The following AGBL4 variants were observed in gnomAD, a reference collection of about 807,000 sequenced individuals.
The protein encoded by AGBL4 is AGBL carboxypeptidase 4, also known as cytosolic carboxypeptidase 6.
Under a neutral mutation model 66.4 loss-of-function variants are expected in AGBL4, and 58 were observed. That is an observed-to-expected ratio of 0.87 (90% CI 0.71 to 1.09). The LOEUF (loss-of-function observed/expected upper bound fraction) is 1.09, where lower values mean the gene tolerates loss of function less well. AGBL4 is among the 50% of genes least tolerant of loss of function. AGBL4 has a pLI of 0.00. For synonymous variants in AGBL4, 234 were observed against 222.9 expected (o/e 1.05, Z -0.44); for missense variants, 579 against 631.0 (o/e 0.92, Z 0.88).
At chr1:49,347,339 C>A (rs1645653400) in intron 3 of AGBL4, among the ~76,000 whole-genome samples, 1 of 151,052 alleles carries the variant, frequency 6.6e-6, no homozygotes, top group Admixed American at 6.6e-5. Flanking sequence ...GCAAGCTCTG[C>A]CACCCGGGTT....
chr1:48,605,237 G>T (rs938200920), intron 9 of AGBL4, among the ~76,000 whole-genome samples: 1 of 152,154 alleles, frequency 6.6e-6, no homozygotes, highest in African/African-American at 2.4e-5. Flanking sequence ...CCAAGAGCAT[G>T]AATTATTGGT....
At chr1:49,648,068 C>A (rs770158912) in intron 3 of AGBL4, among the ~76,000 whole-genome samples, 11 of 151,870 alleles carry the variant, frequency 7.2e-5, no homozygotes, top group Non-Finnish European at 1.5e-4. Flanking sequence ...ATTACACCAG[C>A]AATTTATTAA....
At chr1:49,472,895 CATTTATAAGTGAGAACAT>C (rs1362877372) in intron 3 of AGBL4, among the ~76,000 whole-genome samples, 1 of 151,992 alleles carries the variant, frequency 6.6e-6, no homozygotes, top group East Asian at 1.9e-4. Context: ...GTTTTACTCC[CATTTATAAGTGAGAACAT>C]ATGGTATTTG....
intron 3 of AGBL4, among the ~76,000 whole-genome samples, chr1:49,420,386 A>T (rs904940083): frequency 2.6e-5 from 4 of 152,168 alleles, no homozygotes; most frequent in Admixed American, 2.6e-4. Flanking sequence ...ATAAACATCT[A>T]AGAAGATAAT....
At chr1:49,742,363 C>A (rs1650580357) in intron 2 of AGBL4, among the ~76,000 whole-genome samples, 1 of 152,024 alleles carries the variant, frequency 6.6e-6, no homozygotes, top group Non-Finnish European at 1.5e-5. Flanking sequence ...AGGACCTCTT[C>A]AAGGAGAAAT....
intron 3 of AGBL4, among the ~76,000 whole-genome samples, chr1:49,563,072 T>C (rs1390304932): frequency 2.0e-5 from 3 of 152,100 alleles, no homozygotes; most frequent in Non-Finnish European, 4.4e-5. Flanking sequence ...TTTGAAGCAA[T>C]TGTGAATGGG....
At chr1:49,155,940 C>T (rs1431919635) in intron 4 of AGBL4, among the ~76,000 whole-genome samples, 1 of 152,098 alleles carries the variant, frequency 6.6e-6, no homozygotes, top group Non-Finnish European at 1.5e-5. Context: ...GGTATTGCCT[C>T]TATTATCTAT....
At chr1:49,738,543 C>G (rs1341429780) in intron 2 of AGBL4, among the ~76,000 whole-genome samples, 1 of 152,196 alleles carries the variant, frequency 6.6e-6, no homozygotes, top group Non-Finnish European at 1.5e-5. Flanking sequence ...TGTCTGACAG[C>G]TTTGAAGAGC....
chr1:48,930,394 ATTGC>A (rs1654941194), intron 5 of AGBL4, among the ~76,000 whole-genome samples: 2 of 152,116 alleles, frequency 1.3e-5, no homozygotes, highest in Admixed American at 1.3e-4. Context: ...TGGCAGATCC[ATTGC>A]TATTAAGCCA....
chr1:49,093,801 T>G (rs187390609), intron 4 of AGBL4, among the ~76,000 whole-genome samples: 1 of 152,340 alleles, frequency 6.6e-6, no homozygotes, highest in East Asian at 1.9e-4. Context: ...AAAGCATCTC[T>G]ATTCAATATA....
chr1:50,009,194 AACAAACAAAC>A (rs1661349544), intron 1 of AGBL4, among the ~76,000 whole-genome samples: 1 of 152,148 alleles, frequency 6.6e-6, no homozygotes, highest in South Asian at 2.1e-4. Flanking sequence ...TCTAGGGAAA[AACAAACAAAC>A]AAACAAAAAC....
At chr1:48,801,191 T>C (rs11583921) in intron 6 of AGBL4, among the ~76,000 whole-genome samples, 45,808 of 152,044 alleles carry the variant, frequency 0.3, 7,654 homozygotes, top group East Asian at 0.71. Context: ...GCACCAAATT[T>C]ATATTCAGGC....
intron 6 of AGBL4, among the ~76,000 whole-genome samples, chr1:48,717,964 A>G (rs1647079633): frequency 6.6e-6 from 1 of 152,354 alleles, no homozygotes; most frequent in East Asian, 1.9e-4. Context: ...AGCTTCTGAC[A>G]TACAGGAGTT....
At chr1:49,919,832 CA>C (rs1162940814) in intron 1 of AGBL4, among the ~76,000 whole-genome samples, 1 of 152,204 alleles carries the variant, frequency 6.6e-6, no homozygotes, top group African/African-American at 2.4e-5. Context: ...TACCTGACTT[CA>C]AACTATACTA....
chr1:48,586,901 C>A, intron 11 of AGBL4, 103 bp downstream of exon 11: 1 of 1,471,574 alleles, frequency 6.8e-7, no homozygotes, highest in Non-Finnish European at 9.4e-7. Flanking sequence ...ACCTGAGAGT[C>A]TCAGCCCTTA....
chr1:49,739,950 G>A (rs910277183), intron 2 of AGBL4, among the ~76,000 whole-genome samples: 5 of 152,136 alleles, frequency 3.3e-5, no homozygotes, highest in East Asian at 3.9e-4. Context: ...GCAAAAACAT[G>A]TCGAATTCTA....
chr1:48,867,829 C>G (rs996307761), intron 5 of AGBL4, among the ~76,000 whole-genome samples: 1 of 152,176 alleles, frequency 6.6e-6, no homozygotes, highest in African/African-American at 2.4e-5. Context: ...AATATTCACA[C>G]AGAATAATAT....
chr1:48,681,275 G>A (rs1646450562), intron 6 of AGBL4, among the ~76,000 whole-genome samples: 2 of 152,140 alleles, frequency 1.3e-5, no homozygotes, highest in South Asian at 2.1e-4. Context: ...TGAGTAAGTC[G>A]GGGTGCAGAC....
chr1:49,254,130 C>G (rs1652288685), intron 3 of AGBL4, among the ~76,000 whole-genome samples: 1 of 152,098 alleles, frequency 6.6e-6, no homozygotes, highest in Non-Finnish European at 1.5e-5. Flanking sequence ...CCTCTCTCAC[C>G]AATCCTATTC....
Sources: gnomAD v4.1 joint callset for allele counts (sites outside exome capture counted in the v4.1 genomes callset) on GRCh38, gnomAD v4.1.1 for gene constraint, MANE v1.5 for transcripts, NCBI Gene and HGNC (gene_info 2026-07-23, HGNC 2026-07-21) for gene names.